Variants in BMP2K observed in about 807,000 individuals in gnomAD.
The protein encoded by BMP2K is BMP2 inducible kinase, also known as BMP-2-inducible protein kinase.
BMP2K carries 74 observed loss-of-function variants against 116.0 expected under a neutral mutation model. The observed-to-expected ratio is 0.64, with a 90% CI of 0.53 to 0.77. The LOEUF (loss-of-function observed/expected upper bound fraction) is 0.77. BMP2K is among the 30% of genes least tolerant of loss of function. BMP2K has a pLI of 0.00. For missense variants in BMP2K, 1,365 were observed against 1,403.6 expected, an observed-to-expected ratio of 0.97 and a Z score of 0.44; for synonymous variants, 486 against 502.5, an observed-to-expected ratio of 0.97 and a Z score of 0.44.
Position 78,915,393 on chromosome 4 carries a change from T to C in BMP2K, c.*3360T>C, listed in dbSNP as rs1301626087. 1 of 152,006 alleles carries C rather than the reference T, an allele frequency of 6.6e-6. No individual in the cohort carries two copies. The highest frequency in any genetic ancestry group is 1.5e-5 in the Non-Finnish European group (1 of 67,920). 9.4% of individuals were successfully genotyped at this position (152,006 alleles called of 1,614,324 possible). A position where few individuals can be genotyped will look rare whatever the true frequency, so the allele number is the denominator to read the frequency against. On this transcript the variant is annotated 3_prime_UTR_variant, in exon 16 of 16. Transcript: ENST00000502613. Reference sequence around the variant, plus strand: ...GCACTGTTAGAAGGTACAAGTGTATTAATATCACTAGTTTTGAGGCGCTTG... The same window carrying C: ...GCACTGTTAGAAGGTACAAGTGTATCAATATCACTAGTTTTGAGGCGCTTG...
chr4:78,877,400 T>C (rs1732683013), intron 13 of BMP2K, among the ~76,000 whole-genome samples: 1 of 152,158 alleles, frequency 6.6e-6, no homozygotes, highest in African/African-American at 2.4e-5. Context: ...TTTTTCTTTT[T>C]TAACTTTTCT....
At chr4:78,814,781 T>C (rs141962401) in intron 1 of BMP2K, among the ~76,000 whole-genome samples, 93 of 152,186 alleles carry the variant, frequency 6.1e-4, no homozygotes, top group African/African-American at 2.0e-3. Flanking sequence ...AAAAAAATTA[T>C]ATATTACAGA....
intron 1 of BMP2K, among the ~76,000 whole-genome samples, chr4:78,816,937 G>A (rs72862508): frequency 1.5e-3 from 222 of 152,272 alleles, no homozygotes; most frequent in African/African-American, 5.1e-3. Flanking sequence ...AAGAAATGCA[G>A]TACAACCTGA....
chr4:78,777,227 C>T (rs1057047494), intron 1 of BMP2K, among the ~76,000 whole-genome samples: 2 of 152,110 alleles, frequency 1.3e-5, no homozygotes, highest in African/African-American at 4.8e-5. Flanking sequence ...TGCATGTGTG[C>T]GTGTTGGAGG....
At chr4:78,872,471 T>A in intron 12 of BMP2K, 143 bp from the exon 13 acceptor site, 1 of 695,342 alleles carries the variant, frequency 1.4e-6, no homozygotes, top group South Asian at 2.7e-5. Flanking sequence ...TTTCTAGTAA[T>A]AGAGCTGCTT....
At chr4:78,901,064 T>C (rs1733974140) in intron 15 of BMP2K, among the ~76,000 whole-genome samples, 2 of 152,020 alleles carry the variant, frequency 1.3e-5, no homozygotes, top group Non-Finnish European at 1.5e-5. Flanking sequence ...TTTTTTGAGA[T>C]AAGAGTCTTG....
intron 1 of BMP2K, among the ~76,000 whole-genome samples, chr4:78,813,612 G>A (rs1043488795): frequency 6.6e-5 from 10 of 152,108 alleles, no homozygotes; most frequent in Non-Finnish European, 1.5e-4. Flanking sequence ...TAGGGCCTTT[G>A]CACTTCTGTT....
intron 9 of BMP2K, among the ~76,000 whole-genome samples, chr4:78,864,217 G>T (rs1301680710): frequency 1.3e-5 from 2 of 152,184 alleles, no homozygotes; most frequent in African/African-American, 4.8e-5. Flanking sequence ...GGTCTGGCCT[G>T]TACTAGCCGT....
In BMP2K at chr4:78,911,750, C is replaced by T. The variant is rs777846757; in HGVS notation, c.3203C>T (p.Pro1068Leu). Residue 1068 changes from proline (P) to leucine (L), a missense_variant, in exon 16 of 16, where the codon CCC becomes CTC. Transcript: ENST00000502613. The stretch of plus-strand genomic sequence containing the variant: ...CAACCTGAGGAGAGCCTGTTGGACC[C>T]CTTCGGTGCCAAGCCCTTCCATTCT... Reference protein sequence around the residue: ...VLQPEESLLDPFGAKPFHSPD... With the variant: ...VLQPEESLLDLFGAKPFHSPD... 3 of 1,613,970 alleles carry T rather than the reference C, an allele frequency of 1.9e-6. No homozygotes were observed. Among genetic ancestry groups the T allele is most frequent in the Admixed American group, 3.3e-5 (2 of 60,026 alleles).
At chr4:78,845,071 A>C (rs753681981) in intron 5 of BMP2K, 22 bp downstream of exon 5, 1 of 1,542,464 alleles carries the variant, frequency 6.5e-7, no homozygotes, top group East Asian at 2.3e-5. Context: ...TCTTTATTGC[A>C]CTTTTGTCAT....
intron 10 of BMP2K, among the ~76,000 whole-genome samples, chr4:78,866,951 C>T (rs139683513): frequency 0.013 from 2,044 of 152,174 alleles, 45 homozygotes; most frequent in African/African-American, 0.046. Context: ...GTGGCTCATG[C>T]TTGTAATCCC....
chr4:78,872,799 G>A lies in BMP2K; in HGVS notation c.1793+1G>A. The A allele has an allele frequency of 6.2e-7, 1 of 1,611,612 alleles. No individual in the cohort carries two copies. On this transcript the variant is annotated splice_donor_variant, in intron 13 of 15. Coordinates refer to ENST00000502613, the MANE Select transcript of BMP2K (RefSeq NM_198892.2). LOFTEE classifies it high-confidence loss of function. ...TGGACTCCTCCTATAGTGCCAATAG[G>A]CAAGTATTTTTCCAGTGAAAGCAAA...
At chr4:78,817,859 AT>A (rs1430952178) in intron 1 of BMP2K, among the ~76,000 whole-genome samples, 2 of 152,188 alleles carry the variant, frequency 1.3e-5, no homozygotes, top group African/African-American at 2.4e-5. Flanking sequence ...TCTTAGCATA[AT>A]AAAGAAATGT....
chr4:78,878,928 A>T, intron 14 of BMP2K, 37 bp downstream of exon 14: 1 of 1,590,262 alleles, frequency 6.3e-7, no homozygotes, highest in Non-Finnish European at 8.5e-7. Flanking sequence ...GCTTCACAGT[A>T]AAATAACAGC....
At chr4:78,852,398 A>AGGTTG in intron 7 of BMP2K, among the ~76,000 whole-genome samples, 1 of 152,260 alleles carries the variant, frequency 6.6e-6, no homozygotes, top group East Asian at 1.9e-4. Flanking sequence ...AAATAACAAA[A>AGGTTG]GGTTGAAAAA....
Position 78,913,857 on chromosome 4 carries a change from C to T in BMP2K, c.*1824C>T, listed in dbSNP as rs1347077930. 6.6e-6 allele frequency: 1 copy of T among 151,364 alleles called. No individual in the cohort carries two copies. Among genetic ancestry groups the T allele is most frequent in the Non-Finnish European group, 1.5e-5 (1 of 67,932 alleles). 9.4% of individuals were successfully genotyped at this position (151,364 alleles called of 1,614,324 possible). ...TACATTATTATTTAGAGCTGGACTGCACCAATTACTTGTCCTCGTGCCAAA... is the reference window on the plus strand; with the variant it reads ...TACATTATTATTTAGAGCTGGACTGTACCAATTACTTGTCCTCGTGCCAAA... On this transcript the variant is annotated 3_prime_UTR_variant, in exon 16 of 16. Transcript: ENST00000502613.
intron 15 of BMP2K, among the ~76,000 whole-genome samples, chr4:78,909,611 T>C (rs368383007): frequency 1.3e-5 from 2 of 152,192 alleles, no homozygotes; most frequent in African/African-American, 4.8e-5. Flanking sequence ...CCATTGCTTT[T>C]ATTGGAAGCT....
chr4:78,858,518 A>G (rs1311967101), intron 7 of BMP2K, among the ~76,000 whole-genome samples: 1 of 151,936 alleles, frequency 6.6e-6, no homozygotes, highest in East Asian at 1.9e-4. Context: ...GAATCTCTCA[A>G]ATAAATTATA....
intron 10 of BMP2K, among the ~76,000 whole-genome samples, chr4:78,868,616 TCAAAAG>T (rs1299121381): frequency 1.3e-5 from 2 of 152,094 alleles, no homozygotes; most frequent in African/African-American, 4.8e-5. Context: ...GTCTGTAAAA[TCAAAAG>T]CAAGCTAGTT....
Sources: gnomAD v4.1 joint callset for allele counts (sites outside exome capture counted in the v4.1 genomes callset) on GRCh38, gnomAD v4.1.1 for gene constraint, MANE v1.5 for transcripts, NCBI Gene and HGNC (gene_info 2026-07-23, HGNC 2026-07-21) for gene names.